Variants in HAL observed in about 807,000 individuals in gnomAD.
HAL encodes the protein histidine ammonia-lyase.
A neutral mutation model predicts 81.1 loss-of-function variants in HAL; 85 were observed. The ratio of observed to expected loss-of-function variants is 1.05; its 90% CI spans 0.88 to 1.25. The LOEUF is 1.25. HAL is among the 50% of genes most tolerant of loss of function. HAL has a pLI of 0.00. For missense variants in HAL, 798 were observed against 836.6 expected, an observed-to-expected ratio of 0.95 and a Z score of 0.57; for synonymous variants, 301 against 309.2, an observed-to-expected ratio of 0.97 and a Z score of 0.28.
Position 95,993,947 on chromosome 12 carries a change from T to C in HAL, c.463A>G (p.Ser155Gly). 1 of 1,604,970 alleles carries C rather than the reference T, an allele frequency of 6.2e-7. No individual in the cohort carries two copies. Among genetic ancestry groups the C allele is most frequent in the Non-Finnish European group, 8.5e-7 (1 of 1,171,684 alleles). Residue 155 changes from serine (S) to glycine (G), a missense_variant, in exon 6 of 21, where the codon AGC becomes GGC. Physicochemically the swap from Ser to Gly is moderately conservative, Grantham distance 56. Transcript: ENST00000261208. ...RVQKSREVID[S>G]IIKEKTVVYG... is the part of the protein sequence containing the mutation. ...ATACCTGTTTTCTCTTTTATGATGC[T>C]ATCTATGACCTCCCTGGATTTCTGC...
intron 10 of HAL, 168 bp downstream of exon 10, chr12:95,990,225 G>C: frequency 1.4e-6 from 1 of 702,586 alleles, no homozygotes; most frequent in South Asian, 1.5e-5. Context: ...GCTAACAACA[G>C]TCTTGCCTAG....
Position 95,993,972 on chromosome 12 carries a change from C to T in HAL, c.438G>A (p.Val146=), listed in dbSNP as rs1230867509. 6.2e-7 allele frequency: 1 copy of T among 1,611,688 alleles called. No homozygotes were observed. Among genetic ancestry groups the T allele is most frequent in the Non-Finnish European group, 8.5e-7 (1 of 1,177,912 alleles). The part of the protein sequence containing the change: ...IKLTPTAEKR[V]QKSREVIDSI... ...TATCTATGACCTCCCTGGATTTCTG[C>T]ACCCTCTTCTCAGCTGTTGGGGTGA... Residue 146 remains valine, a synonymous_variant, in exon 6 of 21, where the codon GTG becomes GTA. Transcript: ENST00000261208.
Position 95,995,893 on chromosome 12 carries a change from C to G in HAL, c.18G>C (p.Val6=). 1 of 1,605,190 alleles carries G rather than the reference C, an allele frequency of 6.2e-7. No homozygotes were observed. Residue 6 remains valine, a synonymous_variant, in exon 2 of 21, where the codon GTG becomes GTC. Coordinates refer to ENST00000261208, the MANE Select transcript of HAL (RefSeq NM_002108.4). The part of the protein sequence containing the change: MPRYT[V]HVRGEWLAVP... Reference sequence around the variant, plus strand: ...CTGCCAGCCATTCCCCACGTACGTGCACCGTGTATCTGGGCATGGCTCCGC... The same window carrying G: ...CTGCCAGCCATTCCCCACGTACGTGGACCGTGTATCTGGGCATGGCTCCGC...
chr12:95,988,063 C>A (rs1248536296), intron 11 of HAL, 130 bp downstream of exon 11: 6 of 708,818 alleles, frequency 8.5e-6, no homozygotes, highest in Non-Finnish European at 1.5e-5. Context: ...GTTGCCCCTT[C>A]TTCAGGGATG....
chr12:95,994,298 A>G, intron 4 of HAL, 134 bp from the exon 5 acceptor site: 1 of 776,452 alleles, frequency 1.3e-6, no homozygotes, highest in Non-Finnish European at 2.3e-6. Flanking sequence ...TGCTAAATAA[A>G]AATGCATCTT....
chr12:95,994,520 G>A (rs1249238463), intron 4 of HAL, among the ~76,000 whole-genome samples: 1 of 152,098 alleles, frequency 6.6e-6, no homozygotes, highest in Non-Finnish European at 1.5e-5. Flanking sequence ...CTCCTGAGTA[G>A]CTGGTATTAC....
Position 95,974,340 on chromosome 12 carries a change from T to C in HAL, c.1866A>G (p.Lys622=). 6.2e-7 allele frequency: 1 copy of C among 1,612,664 alleles called. No individual in the cohort carries two copies. The highest frequency in any genetic ancestry group is 8.5e-7 in the Non-Finnish European group (1 of 1,178,632). ...VWEVAAPYIE[K]YRMEHIPESR... ...ATTCTGGAATATGCTCCATTCTGTA[T>C]TTTTCAATGTATGGAGCAGCTACTT... The change falls in exon 21 of 21, where the codon AAA becomes AAG. Residue 622 remains lysine, a synonymous_variant. Transcript: ENST00000261208.
rs188064797 is a variant in HAL, at chr12:95,978,354, G to A, written c.1520-276C>T. Among the ~76,000 whole-genome samples, 398 of 152,180 alleles carry A rather than the reference G, an allele frequency of 2.6e-3. 3 individuals carry two copies. The highest frequency in any genetic ancestry group is 0.017 in the Middle Eastern group (5 of 294). On this transcript the variant is annotated intron_variant, in intron 17 of 20. Transcript: ENST00000261208. The stretch of plus-strand genomic sequence containing the variant: ...ATAACAAGGCCAAGATGACAACCTG[G>A]GAAGCATATAGCATGCCAGGGAGAC...
At chr12:95,986,206 A>AT (rs779356780) in intron 12 of HAL, 46 bp from the exon 13 acceptor site, 49 of 1,175,162 alleles carry the variant, frequency 4.2e-5, no homozygotes, top group East Asian at 1.6e-4. Flanking sequence ...CCATTTATTT[A>AT]TTTTTTTTAA....
intron 10 of HAL, among the ~76,000 whole-genome samples, chr12:95,989,209 C>G (rs919149971): frequency 6.6e-6 from 1 of 152,172 alleles, no homozygotes; most frequent in Non-Finnish European, 1.5e-5. Context: ...TTTTTAGACA[C>G]CTGTCTCTGT....
rs1467101334 is a variant in HAL, at chr12:95,994,075, C to T, written c.411+15G>A. On this transcript the variant is annotated intron_variant, in intron 5 of 20. Transcript: ENST00000261208. ...AAAAATGGCCAGAGGACATCTTTCCCCTCCCTCCCCATACCTTTATTTTGT... is the reference window on the plus strand; with the variant it reads ...AAAAATGGCCAGAGGACATCTTTCCTCTCCCTCCCCATACCTTTATTTTGT... 1.2e-6 allele frequency: 2 copies of T among 1,607,832 alleles called. No individual in the cohort carries two copies. The highest frequency in any genetic ancestry group is 1.7e-6 in the Non-Finnish European group (2 of 1,174,284).
rs2080669736 is a variant in HAL, at chr12:95,972,906, T to G, written c.*1326A>C. 2.0e-5 allele frequency: 3 copies of G among 152,190 alleles called. No homozygotes were observed. Among genetic ancestry groups the G allele is most frequent in the Admixed American group, 1.3e-4 (2 of 15,286 alleles). The allele number at this position is 152,190 out of a possible 1,614,324, so 9.4% of individuals were successfully genotyped here. A position where few individuals can be genotyped will look rare whatever the true frequency, so the allele number is the denominator to read the frequency against. ...ATGCACAAACCTCATTTGTGTGTGT[T>G]CACATTTTGACAAGGAATAGCACCA... On this transcript the variant is annotated 3_prime_UTR_variant, in exon 21 of 21. Coordinates refer to ENST00000261208, the MANE Select transcript of HAL (RefSeq NM_002108.4).
chr12:95,985,042 C>G (rs1339327728), intron 14 of HAL, among the ~76,000 whole-genome samples: 1 of 152,106 alleles, frequency 6.6e-6, no homozygotes, highest in Non-Finnish European at 1.5e-5. Context: ...AATGCCAACC[C>G]AGGTCATCTG....
intron 15 of HAL, among the ~76,000 whole-genome samples, chr12:95,982,365 C>T (rs531884842): frequency 6.6e-6 from 1 of 152,240 alleles, no homozygotes; most frequent in African/African-American, 2.4e-5. Flanking sequence ...CAATTGGTAG[C>T]AGAAGAATTT....
chr12:95,991,585 A>G (rs1949971004), intron 9 of HAL, among the ~76,000 whole-genome samples: 1 of 152,202 alleles, frequency 6.6e-6, no homozygotes, highest in African/African-American at 2.4e-5. Context: ...AAGAGGCTTC[A>G]TTTTTCTGAA....
Position 95,987,077 on chromosome 12 carries a change from G to A in HAL, c.1041C>T (p.Ala347=), listed in dbSNP as rs1203938114. Residue 347 remains alanine, a synonymous_variant, in exon 12 of 21, where the codon GCC becomes GCT. Coordinates refer to ENST00000261208, the MANE Select transcript of HAL (RefSeq NM_002108.4). The stretch of plus-strand genomic sequence containing the variant: ...AAGAACCCTGCTGACCAGTGTCAAA[G>A]GCTTTGGTGGTGCCCTTCAGCACCT... The part of the protein sequence containing the change: ...TLEVLKGTTK[A]FDTDIHALRP... 6.2e-7 allele frequency: 1 copy of A among 1,613,294 alleles called. No homozygotes were observed. The highest frequency in any genetic ancestry group is 1.1e-5 in the South Asian group (1 of 91,060).
rs1224428376 is a variant in HAL, at chr12:95,995,836, G to C, written c.75C>G (p.Gly25=). Residue 25 remains glycine, a synonymous_variant, in exon 2 of 21, where the codon GGC becomes GGG. Coordinates refer to ENST00000261208, the MANE Select transcript of HAL (RefSeq NM_002108.4). ...VPCQDAQLTV[G]WLGREAVRRY... is the part of the protein sequence containing the mutation. ...GCCTCACGGCCTCCCGGCCCAGCCA[G>C]CCCACAGTGAGCTGCGCGTCCTGGC... is the stretch of plus-strand genomic sequence containing the variant. The C allele has an allele frequency of 4.3e-6, 7 of 1,611,410 alleles. No individual in the cohort carries two copies. The highest frequency in any genetic ancestry group is 5.9e-6 in the Non-Finnish European group (7 of 1,180,004).
intron 20 of HAL, 92 bp from the exon 21 acceptor site, chr12:95,974,464 T>G: frequency 9.0e-7 from 1 of 1,116,516 alleles, no homozygotes; most frequent in African/African-American, 1.5e-5. Context: ...CAAAACATAC[T>G]CTATACATGA....
At position 95,976,015 on chromosome 12, in the gene HAL, G is replaced by A. The variant is rs184147758; in HGVS notation, c.1833+414C>T. 1.2e-3 allele frequency: 402 copies of A among 336,164 alleles called. 3 individuals are homozygous for A. Among genetic ancestry groups the A allele is most frequent in the African/African-American group, 8.0e-3 (373 of 46,652 alleles). The allele number at this position is 336,164 out of a possible 1,614,324, so 20.8% of individuals were successfully genotyped here. A position where few individuals can be genotyped will look rare whatever the true frequency, so the allele number is the denominator to read the frequency against. ...CGAAAGTCTTCTGAAGTAAACACCCGGGCCTTGGTTTTCTCTCCAGGTCTA... is the reference window on the plus strand; with the variant it reads ...CGAAAGTCTTCTGAAGTAAACACCCAGGCCTTGGTTTTCTCTCCAGGTCTA... On this transcript the variant is annotated intron_variant, in intron 20 of 20. Transcript: ENST00000261208.
Sources: allele counts gnomAD v4.1 joint callset (sites outside exome capture counted in the v4.1 genomes callset), GRCh38; gene constraint gnomAD v4.1.1; transcripts MANE v1.5; gene names NCBI Gene and HGNC (gene_info 2026-07-23, HGNC 2026-07-21).